NT5C2: variants seen among roughly 807,000 people sequenced by gnomAD.
NT5C2 encodes the protein cytosolic purine 5'-nucleotidase.
In NT5C2, 58 loss-of-function variants were observed where a neutral mutation model predicts 76.1. The observed-to-expected ratio is 0.76, with a 90% CI of 0.62 to 0.95. The LOEUF (loss-of-function observed/expected upper bound fraction) is 0.95. NT5C2 is among the 40% of genes least tolerant of loss of function. The pLI is 0.00. For missense variants in NT5C2, 478 were observed against 690.3 expected (o/e 0.69, Z 3.45); for synonymous variants, 229 against 237.4 (o/e 0.96, Z 0.32).
At chr10:103,107,671 T>C (rs569358824) in intron 4 of NT5C2, among the ~76,000 whole-genome samples, 12 of 141,954 alleles carry the variant, frequency 8.5e-5, no homozygotes, top group African/African-American at 2.8e-4. Context: ...AGACTCTGTC[T>C]AAAAAAAAAA....
chr10:103,152,713 T>C (rs2082614596), intron 3 of NT5C2, among the ~76,000 whole-genome samples: 1 of 152,194 alleles, frequency 6.6e-6, no homozygotes. Context: ...TTATCACTTA[T>C]TATAGTGGTC....
intron 4 of NT5C2, among the ~76,000 whole-genome samples, chr10:103,127,298 C>T (rs972649862): frequency 2.6e-5 from 4 of 152,166 alleles, no homozygotes; most frequent in African/African-American, 7.2e-5. Flanking sequence ...GGCAAAATTA[C>T]TTTTGTCAAT....
chr10:103,169,235 C>T (rs1480339994), intron 3 of NT5C2: 1 of 152,054 alleles, frequency 6.6e-6, no homozygotes, highest in Non-Finnish European at 1.5e-5. Flanking sequence ...TAAATACATA[C>T]AATTTTTGTC....
intron 1 of NT5C2, among the ~76,000 whole-genome samples, chr10:103,191,410 G>A (rs1057425165): frequency 9.6e-5 from 14 of 145,700 alleles, no homozygotes; most frequent in African/African-American, 3.3e-4. Context: ...AGAGAGAGAG[G>A]AAATACTTAA....
chr10:103,090,313 G>A, intron 18 of NT5C2: 1 of 366,206 alleles, frequency 2.7e-6, no homozygotes, highest in South Asian at 6.2e-5. Context: ...GACTTCCTGG[G>A]CTCAATCAAT....
chr10:103,178,659 C>T (rs1055438286), intron 2 of NT5C2, among the ~76,000 whole-genome samples: 1 of 151,378 alleles, frequency 6.6e-6, no homozygotes, highest in Non-Finnish European at 1.5e-5. Context: ...GGTGAAACCC[C>T]GTCTCTACTA....
At position 103,091,615 on chromosome 10, in the gene NT5C2, G is replaced by A. The variant is rs774430005; in HGVS notation, c.1160C>T (p.Ser387Leu). 5 of 1,612,204 alleles carry A rather than the reference G, an allele frequency of 3.1e-6. No individual in the cohort carries two copies. Among genetic ancestry groups the A allele is most frequent in the African/African-American group, 1.3e-5 (1 of 74,860 alleles). Residue 387 changes from serine to leucine, a missense_variant and splice_region_variant, in exon 16 of 19, where the codon TCA becomes TTA. Transcript: ENST00000404739. ...CAAGCTCTGAAGTTCTTCGAAAAGTGCTAGTTAAGGTTTGGAAGGAAAAGG... is the reference window on the plus strand; with the variant it reads ...CAAGCTCTGAAGTTCTTCGAAAAGTACTAGTTAAGGTTTGGAAGGAAAAGG... ...QELHVWTDKSSLFEELQSLDI... is the reference protein window; with the variant it reads ...QELHVWTDKSLLFEELQSLDI...
rs2079986641 is a variant in NT5C2, at chr10:103,139,584, A to G, written c.102-105T>C. 4 of 821,750 alleles carry G rather than the reference A, an allele frequency of 4.9e-6. No homozygotes were observed. In the South Asian group the frequency reaches 5.4e-5, roughly 11 times the overall value. The allele number at this position is 821,750 out of a possible 1,614,324, so 50.9% of individuals were successfully genotyped here. A position where few individuals can be genotyped will look rare whatever the true frequency, so the allele number is the denominator to read the frequency against. ...CTAGGTTTTCTCATTTATTTTTCCA[A>G]TTGATTTTTTAAACTTTTAAAATTA... On this transcript the variant is annotated intron_variant, in intron 3 of 18. Transcript: ENST00000404739.
At chr10:103,138,717 T>C (rs760290947) in intron 4 of NT5C2, among the ~76,000 whole-genome samples, 23 of 152,194 alleles carry the variant, frequency 1.5e-4, no homozygotes, top group South Asian at 8.3e-4. Context: ...GTGTTAAGAA[T>C]AACATACTGT....
At chr10:103,142,109 TTC>T (rs772065768) in intron 3 of NT5C2, among the ~76,000 whole-genome samples, 7 of 152,120 alleles carry the variant, frequency 4.6e-5, no homozygotes, top group Admixed American at 4.6e-4. Context: ...TTGGTTTTGC[TTC>T]TGTTTGTTTT....
At chr10:103,163,860 C>CAAAAAAAAAAAAAA (rs1156583063) in intron 3 of NT5C2, among the ~76,000 whole-genome samples, 1 of 50,404 alleles carries the variant, frequency 2.0e-5, no homozygotes, top group Non-Finnish European at 4.1e-5. Flanking sequence ...ACTAAAAATA[C>CAAAAAAAAAAAAAA]AAAAAAAAAA....
At chr10:103,120,952 T>C (rs2075534557) in intron 4 of NT5C2, among the ~76,000 whole-genome samples, 1 of 152,220 alleles carries the variant, frequency 6.6e-6, no homozygotes, top group Non-Finnish European at 1.5e-5. Flanking sequence ...AGTAGAATAT[T>C]ATTCAGTCTC....
At chr10:103,102,613 A>G (rs1021198059) in intron 6 of NT5C2, among the ~76,000 whole-genome samples, 1 of 151,090 alleles carries the variant, frequency 6.6e-6, no homozygotes, top group African/African-American at 2.4e-5. Context: ...TCATATATTC[A>G]AGAGAGATTA....
At chr10:103,117,285 A>T (rs965668186) in intron 4 of NT5C2, among the ~76,000 whole-genome samples, 1 of 152,256 alleles carries the variant, frequency 6.6e-6, no homozygotes, top group African/African-American at 2.4e-5. Flanking sequence ...AGATATGAGT[A>T]ATAATATCTG....
At chr10:103,116,189 T>C (rs1457271249) in intron 4 of NT5C2, among the ~76,000 whole-genome samples, 2 of 152,184 alleles carry the variant, frequency 1.3e-5, no homozygotes, top group Non-Finnish European at 2.9e-5. Context: ...AAATTTAATA[T>C]TATTAAGGAT....
intron 1 of NT5C2, among the ~76,000 whole-genome samples, chr10:103,189,004 A>G (rs1016618363): frequency 2.1e-5 from 3 of 144,792 alleles, no homozygotes; most frequent in South Asian, 2.2e-4. Context: ...TCCGTCTCGG[A>G]AAAAAAAAAA....
intron 4 of NT5C2, among the ~76,000 whole-genome samples, chr10:103,113,191 TAAGTA>T (rs1399997335): frequency 1.2e-4 from 18 of 152,240 alleles, no homozygotes; most frequent in East Asian, 3.9e-4. Flanking sequence ...GATGTGTAAA[TAAGTA>T]AAGTGGAGTT....
chr10:103,145,126 G>A (rs1014230390), intron 3 of NT5C2, among the ~76,000 whole-genome samples: 4 of 152,156 alleles, frequency 2.6e-5, no homozygotes, highest in African/African-American at 9.7e-5. Flanking sequence ...AAATAGAACA[G>A]CTGTATTATA....
At chr10:103,156,617 T>G (rs971787098) in intron 3 of NT5C2, among the ~76,000 whole-genome samples, 1 of 151,548 alleles carries the variant, frequency 6.6e-6, no homozygotes, top group Non-Finnish European at 1.5e-5. Flanking sequence ...TAGCCAGGCA[T>G]GGTGGCGCAT....
Sources: gnomAD v4.1 joint callset for allele counts (sites outside exome capture counted in the v4.1 genomes callset) on GRCh38, gnomAD v4.1.1 for gene constraint, MANE v1.5 for transcripts, NCBI Gene and HGNC (gene_info 2026-07-23, HGNC 2026-07-21) for gene names.